Variants in ZNF835 observed in about 807,000 individuals in gnomAD.
ZNF835 encodes the protein zinc finger protein 835.
For synonymous variants in ZNF835, 323 were observed against 324.7 expected (o/e 0.99, Z 0.06); for missense variants, 783 against 758.4 (o/e 1.03, Z -0.38).
At position 56,663,772 on chromosome 19, in the gene ZNF835, C is replaced by A. The variant is rs778980492; in HGVS notation, c.1427G>T (p.Cys476Phe). 2 of 1,614,012 alleles carry A rather than the reference C, an allele frequency of 1.2e-6. No homozygotes were observed. Among genetic ancestry groups the A allele is most frequent in the Non-Finnish European group, 1.7e-6 (2 of 1,179,928 alleles). ...IVHTGEKPYE[C>F]SGCGKAFSFS... ...GCTGAAGGCCTTCCCGCAGCCGCTG[C>A]ACTCGTAGGGCTTCTCCCCGGTGTG... The change falls in exon 2 of 2, where the codon TGC becomes TTC. Residue 476 changes from cysteine (C) to phenylalanine (F), a missense_variant. Physicochemically the swap from Cys to Phe is radical, Grantham distance 205. Coordinates refer to ENST00000537055, the MANE Select transcript of ZNF835 (RefSeq NM_001005850.3).
chr19:56,668,147 G>A (rs776866501), intron 1 of ZNF835, among the ~76,000 whole-genome samples: 26 of 151,866 alleles, frequency 1.7e-4, no homozygotes, highest in Non-Finnish European at 3.1e-4. Context: ...ACAGGCATGC[G>A]CTACCATGTT....
chr19:56,663,834 G>A lies in ZNF835; in HGVS notation c.1365C>T (p.Phe455=). ...GCTGGATCAGGTAGGAGCGGTTGCT[G>A]AAGGCCTTGCCGCACTCGGGGCAGG... is the stretch of plus-strand genomic sequence containing the variant. ...PYTCPECGKA[F]SNRSYLIQHH... is the part of the protein sequence containing the mutation. Residue 455 remains phenylalanine (F), a synonymous_variant, in exon 2 of 2, where the codon TTC becomes TTT. Coordinates refer to ENST00000537055, the MANE Select transcript of ZNF835 (RefSeq NM_001005850.3). The A allele has an allele frequency of 6.2e-7, 1 of 1,613,934 alleles. No homozygotes were observed. Among genetic ancestry groups the A allele is most frequent in the South Asian group, 1.1e-5 (1 of 91,082 alleles).
chr19:56,662,684 T>A lies in ZNF835; in HGVS notation c.*901A>T, dbSNP rs932272948. The A allele has an allele frequency of 6.6e-6, 1 of 152,210 alleles. No homozygotes were observed. Among genetic ancestry groups the A allele is most frequent in the African/African-American group, 2.4e-5 (1 of 41,446 alleles). The allele number at this position is 152,210 out of a possible 1,614,324, so 9.4% of individuals were successfully genotyped here. A position where few individuals can be genotyped will look rare whatever the true frequency, so the allele number is the denominator to read the frequency against. On this transcript the variant is annotated 3_prime_UTR_variant, in exon 2 of 2. Coordinates refer to ENST00000537055, the MANE Select transcript of ZNF835 (RefSeq NM_001005850.3). ...AACCAAACCTTTTATTCACTTTAAT[T>A]CAATTAAATTTACTGAGCAAGGGCT...
rs1457908331 is a variant in ZNF835 at position 56,663,555 on chromosome 19, T to C, written c.*30A>G. On this transcript the variant is annotated 3_prime_UTR_variant, in exon 2 of 2. Transcript: ENST00000537055. ...ATAACACAGTATCTCCCCCATAGCA[T>C]TGTGAGGTTGGAAAGGAGGCCCTCA... The C allele has an allele frequency of 6.2e-7, 1 of 1,613,136 alleles. No individual in the cohort carries two copies. The highest frequency in any genetic ancestry group is 8.5e-7 in the Non-Finnish European group (1 of 1,179,684).
At chr19:56,670,547 C>T (rs2045280071) in intron 1 of ZNF835, among the ~76,000 whole-genome samples, 3 of 152,132 alleles carry the variant, frequency 2.0e-5, no homozygotes, top group South Asian at 2.1e-4. Context: ...CACACCCAGC[C>T]CCACACGTAG....
At position 56,662,644 on chromosome 19, in the gene ZNF835, C is replaced by T. The variant is rs2045194543; in HGVS notation, c.*941G>A. 1 of 152,200 alleles carries T rather than the reference C, an allele frequency of 6.6e-6. No homozygotes were observed. The highest frequency in any genetic ancestry group is 6.5e-5 in the Admixed American group (1 of 15,286). The allele number at this position is 152,200 out of a possible 1,614,324, so 9.4% of individuals were successfully genotyped here. On this transcript the variant is annotated 3_prime_UTR_variant, in exon 2 of 2. Coordinates refer to ENST00000537055, the MANE Select transcript of ZNF835 (RefSeq NM_001005850.3). ...GACTCTGCTCCTTTAGTAAATATGC[C>T]AACTTGGCCAAAGAAACCAAACCTT...
rs779719679 is a variant in ZNF835 at position 56,664,484 on chromosome 19, C to G, written c.715G>C (p.Glu239Gln). 1.9e-6 allele frequency: 3 copies of G among 1,606,460 alleles called. No homozygotes were observed. Among genetic ancestry groups the G allele is most frequent in the African/African-American group, 1.4e-5 (1 of 72,756 alleles). Residue 239 changes from glutamate to glutamine, a missense_variant, in exon 2 of 2, where the codon GAG (glutamate) becomes CAG (glutamine). Transcript: ENST00000537055. ...KAFRNRSSLI[E>Q]HQRIHTGEKP... ...TCACCGGTGTGGATGCGCTGGTGCT[C>G]TATCAGGGACGAGCGGTTGCGGAAC...
In ZNF835 at chr19:56,663,855, G is replaced by A; in HGVS notation, c.1344C>T (p.Cys448=). The change falls in exon 2 of 2, where the codon TGC becomes TGT. Residue 448 remains cysteine (C), a synonymous_variant. Coordinates refer to ENST00000537055, the MANE Select transcript of ZNF835 (RefSeq NM_001005850.3). ...RTHTGERPYT[C]PECGKAFSNR... is the part of the protein sequence containing the mutation. Reference sequence around the variant, plus strand: ...TGCTGAAGGCCTTGCCGCACTCGGGGCAGGTGTAGGGCCGCTCGCCCGTGT... The same window carrying A: ...TGCTGAAGGCCTTGCCGCACTCGGGACAGGTGTAGGGCCGCTCGCCCGTGT... 6.2e-7 allele frequency: 1 copy of A among 1,613,628 alleles called. No individual in the cohort carries two copies. The highest frequency in any genetic ancestry group is 2.2e-5 in the East Asian group (1 of 44,858).
chr19:56,664,058 G>A lies in ZNF835; in HGVS notation c.1141C>T (p.Arg381Cys), dbSNP rs1267768322. The A allele has an allele frequency of 1.9e-6, 3 of 1,611,266 alleles. No homozygotes were observed. Among genetic ancestry groups the A allele is most frequent in the Non-Finnish European group, 2.5e-6 (3 of 1,179,208 alleles). ...FSNRSHLLQH[R>C]LVHTGERPYR... Reference sequence around the variant, plus strand: ...GGCCGCTCACCGGTGTGCACGAGGCGGTGCTGGAGGAGGTGGGAGCGGTTG... The same window carrying A: ...GGCCGCTCACCGGTGTGCACGAGGCAGTGCTGGAGGAGGTGGGAGCGGTTG... Residue 381 changes from arginine to cysteine, a missense_variant, in exon 2 of 2, where the codon CGC (arginine) becomes TGC (cysteine). Coordinates refer to ENST00000537055, the MANE Select transcript of ZNF835 (RefSeq NM_001005850.3).
At chr19:56,667,238 C>T (rs191027531) in intron 1 of ZNF835, among the ~76,000 whole-genome samples, 11 of 152,334 alleles carry the variant, frequency 7.2e-5, no homozygotes, top group South Asian at 2.1e-4. Flanking sequence ...TGGACCTGCA[C>T]GCTGGCGAGA....
intron 1 of ZNF835, among the ~76,000 whole-genome samples, chr19:56,669,535 T>C (rs1016946168): frequency 9.5e-6 from 1 of 105,436 alleles, no homozygotes; most frequent in Non-Finnish European, 1.9e-5. Context: ...ATAAATGTAC[T>C]TGGGGGTCTA....
chr19:56,671,644 G>C lies in ZNF835; in HGVS notation c.-116C>G, dbSNP rs969249768. The C allele has an allele frequency of 3.3e-5, 5 of 152,308 alleles. No homozygotes were observed. The highest frequency in any genetic ancestry group is 1.2e-4 in the African/African-American group (5 of 41,360). The allele number at this position is 152,308 out of a possible 1,614,324, so 9.4% of individuals were successfully genotyped here. On this transcript the variant is annotated 5_prime_UTR_variant, in exon 1 of 2. Coordinates refer to ENST00000537055, the MANE Select transcript of ZNF835 (RefSeq NM_001005850.3). Reference sequence around the variant, plus strand: ...GCCCCCTCCTAGCCTGGTGCAGTCGGCTCCGCTTCTACTCAGTCTCGGGTC... The same window carrying C: ...GCCCCCTCCTAGCCTGGTGCAGTCGCCTCCGCTTCTACTCAGTCTCGGGTC...
rs2045220263 is a variant in ZNF835 at position 56,664,347 on chromosome 19, G to C, written c.852C>G (p.Ala284=). 1 of 1,608,160 alleles carries C rather than the reference G, an allele frequency of 6.2e-7. No homozygotes were observed. The highest frequency in any genetic ancestry group is 8.5e-7 in the Non-Finnish European group (1 of 1,177,188). The part of the protein sequence containing the change: ...EEKPYRCGQC[A]KAFAQIAHLT... The stretch of plus-strand genomic sequence containing the variant: ...GGTGCGCGATCTGCGCGAAGGCCTT[G>C]GCGCACTGGCCGCAGCGGTAGGGCT... The change falls in exon 2 of 2, where the codon GCC becomes GCG. Residue 284 remains alanine (A), a synonymous_variant. Coordinates refer to ENST00000537055, the MANE Select transcript of ZNF835 (RefSeq NM_001005850.3).
At position 56,663,565 on chromosome 19, in the gene ZNF835, G is replaced by A. The variant is rs761323166; in HGVS notation, c.*20C>T. On this transcript the variant is annotated 3_prime_UTR_variant, in exon 2 of 2. Transcript: ENST00000537055. ...ATCTCCCCCATAGCATTGTGAGGTT[G>A]GAAAGGAGGCCCTCAGCTCTTAATC... is the stretch of plus-strand genomic sequence containing the variant. 1 of 1,613,572 alleles carries A rather than the reference G, an allele frequency of 6.2e-7. No homozygotes were observed. The highest frequency in any genetic ancestry group is 1.7e-5 in the Admixed American group (1 of 60,002).
In ZNF835 at chr19:56,664,501, T is replaced by C. The variant is rs771850987; in HGVS notation, c.698A>G (p.Asn233Ser). The change falls in exon 2 of 2, where the codon AAC becomes AGC. Residue 233 changes from asparagine (N) to serine (S), a missense_variant. Asn to Ser is a conservative substitution (Grantham distance 46, BLOSUM62 1). Coordinates refer to ENST00000537055, the MANE Select transcript of ZNF835 (RefSeq NM_001005850.3). ...ACAQCAKAFR[N>S]RSSLIEHQRI... ...CTGGTGCTCTATCAGGGACGAGCGG[T>C]TGCGGAACGCCTTGGCGCACTGGGC... The C allele has an allele frequency of 1.2e-6, 2 of 1,611,278 alleles. No homozygotes were observed. Among genetic ancestry groups the C allele is most frequent in the Admixed American group, 3.3e-5 (2 of 59,762 alleles).
chr19:56,667,120 G>A (rs541681191), intron 1 of ZNF835, among the ~76,000 whole-genome samples: 1 of 152,320 alleles, frequency 6.6e-6, no homozygotes, highest in East Asian at 1.9e-4. Flanking sequence ...TTTTATATGA[G>A]CCCAGGAAGT....
intron 1 of ZNF835, among the ~76,000 whole-genome samples, chr19:56,669,296 C>T (rs960103494): frequency 6.6e-6 from 1 of 152,126 alleles, no homozygotes; most frequent in African/African-American, 2.4e-5. Flanking sequence ...TCTGGGTGCT[C>T]GACAGCCCCA....
chr19:56,669,208 A>G (rs2045270227), intron 1 of ZNF835, among the ~76,000 whole-genome samples: 1 of 152,134 alleles, frequency 6.6e-6, no homozygotes, highest in South Asian at 2.1e-4. Flanking sequence ...GTTTCCAATA[A>G]AGGATACAAC....
chr19:56,668,081 T>G (rs902559191), intron 1 of ZNF835, among the ~76,000 whole-genome samples: 1 of 152,196 alleles, frequency 6.6e-6, no homozygotes, highest in African/African-American at 2.4e-5. Flanking sequence ...CACTGCAACC[T>G]TCACCTTCCG....
Sources: gnomAD v4.1 joint callset for allele counts (sites outside exome capture counted in the v4.1 genomes callset) on GRCh38, gnomAD v4.1.1 for gene constraint, MANE v1.5 for transcripts, NCBI Gene and HGNC (gene_info 2026-07-23, HGNC 2026-07-21) for gene names.